ASTN2: variants seen among roughly 807,000 people sequenced by gnomAD.
ASTN2 encodes astrotactin-2.
In ASTN2, 54 loss-of-function variants were observed where a neutral mutation model predicts 139.8. The ratio of observed to expected loss-of-function variants is 0.39; its 90% confidence interval spans 0.31 to 0.48. The LOEUF is 0.48. Ranked by LOEUF, ASTN2 falls within the 20% of genes least tolerant of loss-of-function variation. ASTN2 has a pLI of 0.95. For missense variants in ASTN2, 1,565 were observed against 1,725.1 expected, an observed-to-expected ratio of 0.91 and a Z score of 1.64; for synonymous variants, 756 against 719.5, an observed-to-expected ratio of 1.05 and a Z score of -0.81.
chr9:116,915,523 C>T (rs1275345271), intron 10 of ASTN2, among the ~76,000 whole-genome samples: 1 of 152,106 alleles, frequency 6.6e-6, no homozygotes, highest in Non-Finnish European at 1.5e-5. Flanking sequence ...AAGGGCAAGC[C>T]ATGATTAGAA....
intron 1 of ASTN2, among the ~76,000 whole-genome samples, chr9:117,305,562 T>G (rs1298684774): frequency 6.6e-6 from 1 of 152,176 alleles, no homozygotes; most frequent in Non-Finnish European, 1.5e-5. Flanking sequence ...CTTCTCAAAA[T>G]CTCACTTTCA....
chr9:116,725,493 G>T (rs1039201559), intron 16 of ASTN2, among the ~76,000 whole-genome samples: 3 of 152,088 alleles, frequency 2.0e-5, no homozygotes, highest in Non-Finnish European at 4.4e-5. Flanking sequence ...GGGAAGCAAA[G>T]TACCTGCAAG....
At position 116,720,903 on chromosome 9, in the gene ASTN2, C is replaced by T. The variant is rs535713146; in HGVS notation, c.2806+4868G>A. ...AAACTCACTGAGGCCCCTCCCAATC[C>T]CAGGACAATCTACCTCTGCCCTTGA... is the stretch of plus-strand genomic sequence containing the variant. On this transcript the variant is annotated intron_variant, in intron 16 of 22. Coordinates refer to ENST00000313400, the MANE Select transcript of ASTN2 (RefSeq NM_001365068.1). Among the ~76,000 whole-genome samples the T allele has an allele frequency of 6.6e-5, 10 of 152,282 alleles. No individual in the cohort carries two copies. The South Asian group carries it at 8.3e-4, about 13-fold the overall frequency.
intron 3 of ASTN2, among the ~76,000 whole-genome samples, chr9:117,151,640 A>T (rs920714980): frequency 2.0e-5 from 3 of 152,170 alleles, no homozygotes; most frequent in African/African-American, 7.2e-5. Flanking sequence ...GAAAGTACCA[A>T]TTGCTCAGAG....
intron 11 of ASTN2, among the ~76,000 whole-genome samples, chr9:116,828,010 CA>C (rs1185396162): frequency 2.0e-5 from 3 of 152,120 alleles, no homozygotes; most frequent in African/African-American, 4.8e-5. Context: ...AAAATACTAG[CA>C]AAAGGCCGGG....
At chr9:117,166,454 C>T (rs1422731536) in intron 3 of ASTN2, among the ~76,000 whole-genome samples, 1 of 152,120 alleles carries the variant, frequency 6.6e-6, no homozygotes, top group Non-Finnish European at 1.5e-5. Context: ...AGAACAAAGT[C>T]AAATGCTTGC....
chr9:116,582,836 T>C (rs1036267602), intron 19 of ASTN2: 1 of 152,248 alleles, frequency 6.6e-6, no homozygotes, highest in Non-Finnish European at 1.5e-5. Flanking sequence ...GTTCCCCTTT[T>C]CCTACAGGAT....
At chr9:117,409,909 G>A (rs1480993192) in intron 1 of ASTN2, among the ~76,000 whole-genome samples, 1 of 152,150 alleles carries the variant, frequency 6.6e-6, no homozygotes, top group Non-Finnish European at 1.5e-5. Flanking sequence ...GAACAAGTTG[G>A]CATTTCAAAC....
intron 3 of ASTN2, among the ~76,000 whole-genome samples, chr9:117,192,888 C>T (rs1225950459): frequency 6.6e-6 from 1 of 152,192 alleles, no homozygotes; most frequent in East Asian, 1.9e-4. Flanking sequence ...TTCAATAACA[C>T]ACAGTTTATC....
chr9:117,181,966 C>A (rs938399220), intron 3 of ASTN2, among the ~76,000 whole-genome samples: 2 of 152,174 alleles, frequency 1.3e-5, no homozygotes, highest in East Asian at 3.9e-4. Context: ...CCAGTGCCCT[C>A]CTTCCCCACC....
intron 16 of ASTN2, among the ~76,000 whole-genome samples, chr9:116,703,987 G>C (rs1040527311): frequency 2.6e-5 from 4 of 152,304 alleles, no homozygotes; most frequent in Non-Finnish European, 4.4e-5. Context: ...GCTTTATCTT[G>C]TCAATATCAT....
chr9:117,370,303 A>G (rs1587988333), intron 1 of ASTN2, among the ~76,000 whole-genome samples: 1 of 152,340 alleles, frequency 6.6e-6, no homozygotes, highest in Non-Finnish European at 1.5e-5. Flanking sequence ...GCAACTTTTC[A>G]TCATGCACAG....
intron 2 of ASTN2, among the ~76,000 whole-genome samples, chr9:117,247,276 C>G (rs1833407885): frequency 6.6e-6 from 1 of 152,204 alleles, no homozygotes; most frequent in Non-Finnish European, 1.5e-5. Context: ...GGCTTGCCTC[C>G]TTAACTTAGG....
chr9:117,313,171 C>G (rs1828031684), intron 1 of ASTN2, among the ~76,000 whole-genome samples: 2 of 152,246 alleles, frequency 1.3e-5, no homozygotes, highest in South Asian at 2.1e-4. Context: ...CCCTCACTAC[C>G]TGCACTAGAG....
chr9:117,229,331 A>G (rs1241660687), intron 2 of ASTN2, among the ~76,000 whole-genome samples: 1 of 152,138 alleles, frequency 6.6e-6, no homozygotes, highest in African/African-American at 2.4e-5. Flanking sequence ...GGACTGCCCC[A>G]AGGTGGATCT....
chr9:116,572,102 C>T (rs1001130144), intron 19 of ASTN2, among the ~76,000 whole-genome samples: 25 of 152,096 alleles, frequency 1.6e-4, no homozygotes, highest in African/African-American at 5.8e-4. Context: ...ACTGCATATT[C>T]TGTGTGTTCC....
chr9:116,533,360 C>T (rs949981485), intron 19 of ASTN2, among the ~76,000 whole-genome samples: 3 of 152,162 alleles, frequency 2.0e-5, no homozygotes, highest in Non-Finnish European at 4.4e-5. Context: ...ATTTCTTTCT[C>T]CTGCCTGATT....
intron 10 of ASTN2, among the ~76,000 whole-genome samples, chr9:116,870,429 T>G (rs1228634012): frequency 1.3e-5 from 2 of 152,242 alleles, no homozygotes; most frequent in Non-Finnish European, 2.9e-5. Flanking sequence ...CATTGTTTAT[T>G]CATTCAATAA....
chr9:116,863,971 T>TA (rs1352131196), intron 10 of ASTN2, among the ~76,000 whole-genome samples: 1 of 152,178 alleles, frequency 6.6e-6, no homozygotes, highest in African/African-American at 2.4e-5. Flanking sequence ...TATTAATACT[T>TA]ATGATTCTTG....
Sources: gnomAD v4.1 joint callset for allele counts (sites outside exome capture counted in the v4.1 genomes callset) on GRCh38, gnomAD v4.1.1 for gene constraint, MANE v1.5 for transcripts, NCBI Gene and HGNC (gene_info 2026-07-23, HGNC 2026-07-21) for gene names.